MANBAL: variants seen among roughly 807,000 people sequenced by gnomAD.
MANBAL encodes the protein protein MANBAL.
Under a neutral mutation model 6.4 loss-of-function variants are expected in MANBAL, and 1 was observed. That is an observed-to-expected ratio of 0.16 (90% confidence interval 0.06 to 0.74). MANBAL has a LOEUF of 0.74. Ranked by LOEUF, MANBAL falls within the 30% of genes least tolerant of loss-of-function variation. MANBAL has a pLI of 0.78. For synonymous variants in MANBAL, 47 were observed against 45.8 expected, an observed-to-expected ratio of 1.03 and a Z score of -0.10; for missense variants, 100 against 107.8, an observed-to-expected ratio of 0.93 and a Z score of 0.32.
intron 2 of MANBAL, among the ~76,000 whole-genome samples, chr20:37,304,598 G>A (rs1255511516): frequency 2.6e-5 from 4 of 151,904 alleles, no homozygotes; most frequent in Non-Finnish European, 2.9e-5. Context: ...CTTAACATAC[G>A]CAATATGTTC....
At chr20:37,309,074 A>G (rs1371315036) in intron 2 of MANBAL, among the ~76,000 whole-genome samples, 1 of 152,158 alleles carries the variant, frequency 6.6e-6, no homozygotes, top group Admixed American at 6.5e-5. Flanking sequence ...CCGAATGGAA[A>G]CAGTATTGGC....
At chr20:37,299,290 G>A (rs1350920110) in intron 1 of MANBAL, among the ~76,000 whole-genome samples, 1 of 152,072 alleles carries the variant, frequency 6.6e-6, no homozygotes, top group Non-Finnish European at 1.5e-5. Context: ...TGTTGTCCAG[G>A]CTGGTCTCAA....
At chr20:37,310,334 G>A (rs963906827) in intron 2 of MANBAL, among the ~76,000 whole-genome samples, 14 of 152,218 alleles carry the variant, frequency 9.2e-5, no homozygotes, top group African/African-American at 3.4e-4. Flanking sequence ...CTCATGGCCC[G>A]CTGGGATGGG....
intron 2 of MANBAL, among the ~76,000 whole-genome samples, chr20:37,310,640 AT>A (rs2069365573): frequency 6.6e-6 from 1 of 152,240 alleles, no homozygotes; most frequent in Admixed American, 6.5e-5. Flanking sequence ...TGTGGCACAC[AT>A]TTGATTATTT....
chr20:37,295,617 C>G (rs1442906590), intron 1 of MANBAL, among the ~76,000 whole-genome samples: 1 of 152,124 alleles, frequency 6.6e-6, no homozygotes, highest in African/African-American at 2.4e-5. Flanking sequence ...GGAAGCCAGC[C>G]CCTTTGAATC....
intron 2 of MANBAL, among the ~76,000 whole-genome samples, chr20:37,311,763 G>A (rs558382951): frequency 9.2e-5 from 14 of 152,298 alleles, no homozygotes; most frequent in African/African-American, 3.1e-4. Context: ...CTGGGATTAC[G>A]GGCGTGAGCC....
At chr20:37,303,916 C>T (rs998859791) in intron 2 of MANBAL, among the ~76,000 whole-genome samples, 19 of 152,076 alleles carry the variant, frequency 1.2e-4, no homozygotes, top group African/African-American at 3.9e-4. Context: ...ACAGTATAGG[C>T]GTGGTGAGCC....
chr20:37,306,671 A>G (rs1157466485), intron 2 of MANBAL, among the ~76,000 whole-genome samples: 1 of 152,210 alleles, frequency 6.6e-6, no homozygotes, highest in Non-Finnish European at 1.5e-5. Flanking sequence ...TACCATTTCC[A>G]TCTAGTCCAG....
At chr20:37,294,876 G>T (rs188790358) in intron 1 of MANBAL, among the ~76,000 whole-genome samples, 1 of 152,340 alleles carries the variant, frequency 6.6e-6, no homozygotes, top group African/African-American at 2.4e-5. Flanking sequence ...TTTGTCCAAT[G>T]AATTAATGTC....
intron 2 of MANBAL, among the ~76,000 whole-genome samples, chr20:37,301,885 T>G (rs541626634): frequency 6.6e-6 from 1 of 152,212 alleles, no homozygotes; most frequent in African/African-American, 2.4e-5. Context: ...AGGACAACAT[T>G]CCAGGGAGAG....
At chr20:37,309,017 T>G (rs1000258340) in intron 2 of MANBAL, among the ~76,000 whole-genome samples, 5 of 152,230 alleles carry the variant, frequency 3.3e-5, no homozygotes, top group African/African-American at 1.2e-4. Flanking sequence ...CTCATATTAG[T>G]GGGGACTCTT....
intron 2 of MANBAL, among the ~76,000 whole-genome samples, chr20:37,313,879 G>A (rs2069445194): frequency 6.6e-6 from 1 of 152,194 alleles, no homozygotes; most frequent in Non-Finnish European, 1.5e-5. Flanking sequence ...AAGGAAACAG[G>A]TATTCCTGTT....
intron 1 of MANBAL, among the ~76,000 whole-genome samples, chr20:37,293,519 C>T (rs894338419): frequency 6.6e-6 from 1 of 152,134 alleles, no homozygotes; most frequent in African/African-American, 2.4e-5. Context: ...TTCGCTTGCT[C>T]ACCTGCTGCT....
At chr20:37,294,506 C>A (rs1281635352) in intron 1 of MANBAL, among the ~76,000 whole-genome samples, 2 of 152,234 alleles carry the variant, frequency 1.3e-5, no homozygotes, top group Non-Finnish European at 2.9e-5. Context: ...CAGAGACTGG[C>A]CAGAGTCCTC....
At chr20:37,298,552 G>T (rs1017750892) in intron 1 of MANBAL, among the ~76,000 whole-genome samples, 2 of 151,984 alleles carry the variant, frequency 1.3e-5, no homozygotes, top group African/African-American at 4.8e-5. Flanking sequence ...TGTTTTCAAG[G>T]TTCATTCATG....
At position 37,289,677 on chromosome 20, in the gene MANBAL, G is replaced by GC. The variant is rs2068817364; in HGVS notation, c.-66_-65insC. 6.6e-6 allele frequency: 1 copy of GC among 152,668 alleles called. No individual in the cohort carries two copies. Among genetic ancestry groups the GC allele is most frequent in the Non-Finnish European group, 1.5e-5 (1 of 68,420 alleles). 9.5% of individuals were successfully genotyped at this position (152,668 alleles called of 1,614,324 possible). ...ACTACTTCCGGGGGAGCGGCGCGGCGGCGCGGGAGGTGAGTGCCGCAGCTT... is the reference window on the plus strand; with the variant it reads ...ACTACTTCCGGGGGAGCGGCGCGGCGCGCGCGGGAGGTGAGTGCCGCAGCTT... On this transcript the variant is annotated 5_prime_UTR_variant, in exon 1 of 3. Transcript: ENST00000373606.
intron 1 of MANBAL, among the ~76,000 whole-genome samples, chr20:37,296,117 A>AC (rs1163957567): frequency 6.6e-6 from 1 of 152,214 alleles, no homozygotes; most frequent in Middle Eastern, 3.2e-3. Context: ...TAATTAGTTA[A>AC]ATAAAATGAA....
At chr20:37,295,311 G>T (rs1161473878) in intron 1 of MANBAL, among the ~76,000 whole-genome samples, 1 of 152,178 alleles carries the variant, frequency 6.6e-6, no homozygotes, top group East Asian at 1.9e-4. Context: ...GGATCAAATA[G>T]AAAACAGTAG....
chr20:37,314,134 G>GATGC (rs1266403030), intron 2 of MANBAL, among the ~76,000 whole-genome samples: 1 of 152,206 alleles, frequency 6.6e-6, no homozygotes, highest in Non-Finnish European at 1.5e-5. Context: ...GGGGGAATTG[G>GATGC]ATGCTGGAGA....
Sources: gnomAD v4.1 joint callset for allele counts (sites outside exome capture counted in the v4.1 genomes callset) on GRCh38, gnomAD v4.1.1 for gene constraint, MANE v1.5 for transcripts, NCBI Gene and HGNC (gene_info 2026-07-23, HGNC 2026-07-21) for gene names.